DMD: variants seen among roughly 807,000 people sequenced by gnomAD.
DMD encodes dystrophin, also known as mutant dystrophin.
In DMD, 63 loss-of-function variants were observed where a neutral mutation model predicts 330.1. The observed-to-expected ratio is 0.19, with a 90% CI of 0.16 to 0.24. DMD has a LOEUF of 0.24. Among genes scored for constraint, DMD ranks in the 10% least tolerant of loss-of-function variants. The pLI, the probability that DMD is intolerant of heterozygous loss-of-function variation, is 1.00. For synonymous variants in DMD, 1,223 were observed against 959.8 expected, an observed-to-expected ratio of 1.27 and a Z score of -5.07; for missense variants, 3,344 against 2,684.1, an observed-to-expected ratio of 1.25 and a Z score of -5.43.
rs147412864 is a variant in DMD at position 33,275,922 on chromosome X, A to G, written c.7+63337T>C. On this transcript the variant is annotated intron_variant, in intron 1 of 17. Transcript: ENST00000288447. ...TATACATATCATTTGCACTCAGAAA[A>G]CACTATTACTAACACTACAATCATA... Among the ~76,000 whole-genome samples the G allele has an allele frequency of 5.7e-3, 632 of 111,804 alleles. 3 individuals carry two copies. The highest frequency in any genetic ancestry group is 0.02 in the African/African-American group (616 of 30,781).
chrX:32,483,164 T>TATATATACAC lies in DMD; in HGVS notation c.2803+1754_2803+1755insGTGTATATAT, dbSNP rs1481445275. Among the ~76,000 whole-genome samples, 12 of 61,626 alleles carry TATATATACAC rather than the reference T, an allele frequency of 1.9e-4. 2 individuals carry two copies. In the Admixed American group the frequency reaches 2.5e-3, roughly 13 times the overall value. The allele number at this position is 61,626 out of a possible 115,157, so 53.5% of individuals were successfully genotyped here. A position where few individuals can be genotyped will look rare whatever the true frequency, so the allele number is the denominator to read the frequency against. On this transcript the variant is annotated intron_variant, in intron 21 of 78. Transcript: ENST00000357033. ...TTCATTCCATATATATATATATATA[T>TATATATACAC]ACACCATATTTAATTAAAGGGTTAT...
At chrX:33,021,158 T>C (rs763756762) in intron 1 of DMD, among the ~76,000 whole-genome samples, 1 of 111,297 alleles carries the variant, frequency 9.0e-6, no homozygotes, top group Non-Finnish European at 1.9e-5. Flanking sequence ...AATGATACTC[T>C]TCATGCCTTA....
intron 52 of DMD, among the ~76,000 whole-genome samples, chrX:31,697,279 C>G (rs1296603817): frequency 9.0e-6 from 1 of 111,659 alleles, no homozygotes; most frequent in Non-Finnish European, 1.9e-5. Context: ...ATCTGACATA[C>G]AAAAGTGAAA....
intron 7 of DMD, among the ~76,000 whole-genome samples, chrX:32,724,632 C>G (rs1474554718): frequency 9.0e-6 from 1 of 111,603 alleles, no homozygotes; most frequent in Non-Finnish European, 1.9e-5. Flanking sequence ...ATGTAGCTCA[C>G]ATATCCCATG....
intron 60 of DMD, among the ~76,000 whole-genome samples, chrX:31,359,568 T>G (rs182933613): frequency 8.9e-6 from 1 of 112,230 alleles, no homozygotes; most frequent in East Asian, 2.8e-4. Context: ...ATAGCAAACA[T>G]TTATAGAGCA....
At chrX:32,411,722 G>A (rs2098142631) in intron 30 of DMD, 30 bp downstream of exon 30, 2 of 1,206,269 alleles carry the variant, frequency 1.7e-6, no homozygotes, top group African/African-American at 3.5e-5. Context: ...AAAAACAAAA[G>A]AATGGAAGCT....
At chrX:31,377,871 G>GA (rs2148698929) in intron 60 of DMD, among the ~76,000 whole-genome samples, 1 of 111,225 alleles carries the variant, frequency 9.0e-6, no homozygotes, top group South Asian at 3.9e-4. Context: ...CAAAAGAAGT[G>GA]AAAATGGCCG....
chrX:31,565,405 A>C (rs2075413594), intron 55 of DMD, among the ~76,000 whole-genome samples: 1 of 112,010 alleles, frequency 8.9e-6, no homozygotes, highest in African/African-American at 3.2e-5. Context: ...TAACCTTTTC[A>C]GATGAGCTGT....
chrX:33,040,990 G>A (rs1227719548), intron 1 of DMD, among the ~76,000 whole-genome samples: 1 of 112,148 alleles, frequency 8.9e-6, no homozygotes, highest in African/African-American at 3.2e-5. Context: ...TTCACAAACA[G>A]ATGGGATGTT....
intron 1 of DMD, among the ~76,000 whole-genome samples, chrX:33,207,390 A>G (rs1603417164): frequency 9.0e-6 from 1 of 111,229 alleles, no homozygotes; most frequent in Admixed American, 9.6e-5. Context: ...TCATGAAAAA[A>G]TTTCATGAAA....
intron 51 of DMD, among the ~76,000 whole-genome samples, chrX:31,753,269 T>A (rs1017441130): frequency 1.8e-5 from 2 of 112,258 alleles, no homozygotes; most frequent in Admixed American, 1.9e-4. Context: ...TGCTGCTTTC[T>A]ATCATTTTCA....
intron 1 of DMD, chrX:33,041,796 C>A: frequency 1.3e-5 from 13 of 990,126 alleles, no homozygotes; most frequent in South Asian, 8.3e-5. Context: ...TTGACCACTG[C>A]GGTGTGTTCA....
At chrX:31,817,158 G>A (rs927794340) in intron 50 of DMD, among the ~76,000 whole-genome samples, 8 of 111,870 alleles carry the variant, frequency 7.2e-5, no homozygotes, top group African/African-American at 2.6e-4. Context: ...AGACATATAT[G>A]TTAAAGCTAC....
chrX:33,113,299 C>T (rs1047656985), intron 1 of DMD, among the ~76,000 whole-genome samples: 12 of 110,600 alleles, frequency 1.1e-4, no homozygotes, highest in Non-Finnish European at 1.7e-4. Flanking sequence ...TCAGGTGATC[C>T]GCACGCCTCA....
intron 61 of DMD, among the ~76,000 whole-genome samples, chrX:31,341,891 G>GCGCGCACACA (rs374298104): frequency 9.1e-5 from 9 of 98,876 alleles, no homozygotes; most frequent in African/African-American, 2.2e-4. Context: ...GTGCGCGCGC[G>GCGCGCACACA]CACACACACA....
chrX:33,109,687 C>T (rs928237029), intron 1 of DMD, among the ~76,000 whole-genome samples: 3 of 111,735 alleles, frequency 2.7e-5, no homozygotes, highest in Non-Finnish European at 3.8e-5. Flanking sequence ...CTGAAAACAA[C>T]GACGAAGTGG....
intron 13 of DMD, among the ~76,000 whole-genome samples, chrX:32,594,664 T>A (rs761467949): frequency 2.1e-4 from 23 of 111,517 alleles, no homozygotes; most frequent in Non-Finnish European, 3.2e-4. Context: ...TTTTTTTATG[T>A]TTTTATACTT....
Position 32,388,010 on chromosome X carries a change from C to G in DMD, c.4518+1491G>C, listed in dbSNP as rs1326947358. On this transcript the variant is annotated intron_variant, in intron 32 of 78. Transcript: ENST00000357033. ...TAAATAGACAAACATGTCTTGAAGGCAAGACTATGATTATGGTATACACCA... is the reference window on the plus strand; with the variant it reads ...TAAATAGACAAACATGTCTTGAAGGGAAGACTATGATTATGGTATACACCA... Among the ~76,000 whole-genome samples the G allele has an allele frequency of 9.0e-5, 10 of 111,183 alleles. No homozygotes were observed. The Admixed American group carries it at 9.6e-4, about 11-fold the overall frequency.
intron 11 of DMD, among the ~76,000 whole-genome samples, chrX:32,635,893 T>A (rs924275516): frequency 1.8e-5 from 2 of 111,808 alleles, no homozygotes; most frequent in Admixed American, 1.9e-4. Context: ...CCTCTAGTTC[T>A]CATGCTAACT....
Sources: allele counts gnomAD v4.1 joint callset (sites outside exome capture counted in the v4.1 genomes callset), GRCh38; gene constraint gnomAD v4.1.1; transcripts MANE v1.5; gene names NCBI Gene and HGNC (gene_info 2026-07-23, HGNC 2026-07-21).